KIAA0825: variants seen among roughly 807,000 people sequenced by gnomAD.
KIAA0825 encodes uncharacterized protein KIAA0825.
Under a neutral mutation model 147.6 loss-of-function variants are expected in KIAA0825, and 119 were observed. That is an observed-to-expected ratio of 0.81 (90% confidence interval 0.69 to 0.94). KIAA0825 has a LOEUF of 0.94. Among genes scored for constraint, KIAA0825 ranks in the 40% least tolerant of loss-of-function variants. KIAA0825 has a pLI of 0.00. For missense variants in KIAA0825, 1,381 were observed against 1,472.7 expected, an observed-to-expected ratio of 0.94 and a Z score of 1.02; for synonymous variants, 470 against 518.1, an observed-to-expected ratio of 0.91 and a Z score of 1.26.
At chr5:94,571,803 T>G (rs1460187181) in intron 2 of KIAA0825, among the ~76,000 whole-genome samples, 1 of 152,238 alleles carries the variant, frequency 6.6e-6, no homozygotes, top group African/African-American at 2.4e-5. Flanking sequence ...GTCTGATAAA[T>G]GTACACTGAT....
chr5:94,296,259 C>G (rs1393119300), intron 20 of KIAA0825, among the ~76,000 whole-genome samples: 2 of 152,148 alleles, frequency 1.3e-5, no homozygotes, highest in Admixed American at 6.5e-5. Context: ...CCTCCCACCA[C>G]CAAGCTCGAG....
intron 2 of KIAA0825, among the ~76,000 whole-genome samples, chr5:94,580,277 C>A (rs1781843008): frequency 1.3e-5 from 2 of 152,116 alleles, no homozygotes. Context: ...TGGTGGCTAT[C>A]TTTAAGAGTC....
chr5:94,430,568 A>C lies in KIAA0825; in HGVS notation c.2497+9414T>G, dbSNP rs939720172. On this transcript the variant is annotated intron_variant, in intron 14 of 20. Coordinates refer to ENST00000682413, the MANE Select transcript of KIAA0825 (RefSeq NM_001145678.3). ...TTCTCATTTGCAAAATGGTCCTAATAATCCCGGGTCATAAATGAAATAATA... is the reference window on the plus strand; with the variant it reads ...TTCTCATTTGCAAAATGGTCCTAATCATCCCGGGTCATAAATGAAATAATA... 7.2e-5 allele frequency among the ~76,000 whole-genome samples: 11 copies of C among 152,186 alleles called. 1 individual carries two copies. Among genetic ancestry groups the C allele is most frequent in the African/African-American group, 2.7e-4 (11 of 41,452 alleles).
At chr5:94,267,518 A>C (rs932333119) in intron 20 of KIAA0825, among the ~76,000 whole-genome samples, 2 of 152,142 alleles carry the variant, frequency 1.3e-5, no homozygotes, top group Non-Finnish European at 2.9e-5. Flanking sequence ...CCAGATTAAG[A>C]AAGACCCACT....
At chr5:94,607,185 A>G (rs1054580754) in intron 1 of KIAA0825, among the ~76,000 whole-genome samples, 1 of 152,274 alleles carries the variant, frequency 6.6e-6, no homozygotes, top group East Asian at 1.9e-4. Context: ...ACGAGATCCC[A>G]AAGTATAATC....
intron 5 of KIAA0825, among the ~76,000 whole-genome samples, chr5:94,504,389 G>A (rs2151131555): frequency 2.0e-5 from 3 of 152,288 alleles, no homozygotes; most frequent in Middle Eastern, 3.4e-3. Context: ...AGTGGGCCCA[G>A]ATGCCCAGTT....
At chr5:94,168,749 A>G (rs1301496639) in intron 20 of KIAA0825, among the ~76,000 whole-genome samples, 2 of 152,188 alleles carry the variant, frequency 1.3e-5, no homozygotes, top group East Asian at 1.9e-4. Flanking sequence ...CAGGACTACT[A>G]TATACTGCCA....
chr5:94,412,344 A>G (rs1169114061), intron 15 of KIAA0825, among the ~76,000 whole-genome samples: 1 of 152,220 alleles, frequency 6.6e-6, no homozygotes, highest in Non-Finnish European at 1.5e-5. Flanking sequence ...AAATTTTCAC[A>G]CATCATTGGC....
intron 1 of KIAA0825, among the ~76,000 whole-genome samples, chr5:94,588,389 A>T (rs1034950166): frequency 6.6e-6 from 1 of 152,240 alleles, no homozygotes; most frequent in Non-Finnish European, 1.5e-5. Context: ...ATATGAACAG[A>T]CACTTTTCAA....
chr5:94,551,719 C>T (rs1775575063), intron 2 of KIAA0825, among the ~76,000 whole-genome samples: 1 of 151,946 alleles, frequency 6.6e-6, no homozygotes, highest in Admixed American at 6.6e-5. Context: ...GGGAGTCCTA[C>T]ATCTGAATGT....
rs1562463395 is a variant in KIAA0825 at position 94,403,706 on chromosome 5, A to G, written c.2750T>C (p.Ile917Thr). 5.2e-6 allele frequency: 8 copies of G among 1,551,562 alleles called. No homozygotes were observed. The highest frequency in any genetic ancestry group is 7.0e-6 in the Non-Finnish European group (8 of 1,146,904). ...TCTCCTAGAACTCATTACAGATACT[A>G]TCTGCTGTACAGTGTCCTTGATGGC... ...TDAIKDTVQQ[I>T]VSVMSSRRNC... The change falls in exon 16 of 21, where the codon ATA becomes ACA. Residue 917 changes from isoleucine to threonine, a missense_variant. Ile to Thr is a moderately conservative substitution (Grantham distance 89). Coordinates refer to ENST00000682413, the MANE Select transcript of KIAA0825 (RefSeq NM_001145678.3).
At chr5:94,316,563 C>T (rs1779681853) in intron 20 of KIAA0825, among the ~76,000 whole-genome samples, 2 of 151,544 alleles carry the variant, frequency 1.3e-5, no homozygotes, top group Admixed American at 6.6e-5. Context: ...GCTGTGGCCT[C>T]CTAAAGCTCT....
chr5:94,234,167 C>G (rs2150090949), intron 20 of KIAA0825, among the ~76,000 whole-genome samples: 1 of 151,940 alleles, frequency 6.6e-6, no homozygotes, highest in South Asian at 2.1e-4. Context: ...GAGATCGAGA[C>G]CATCCTGGCT....
chr5:94,264,062 T>C (rs895750872), intron 20 of KIAA0825, among the ~76,000 whole-genome samples: 1 of 152,170 alleles, frequency 6.6e-6, no homozygotes, highest in Non-Finnish European at 1.5e-5. Flanking sequence ...GCCAGTGCAA[T>C]GTCCCCAACC....
intron 1 of KIAA0825, among the ~76,000 whole-genome samples, chr5:94,589,725 T>C (rs1783999101): frequency 6.6e-6 from 1 of 152,134 alleles, no homozygotes; most frequent in South Asian, 2.1e-4. Context: ...GGTAGGTTGA[T>C]GTGTTCATCC....
chr5:94,195,469 CTG>C (rs1376749052), intron 20 of KIAA0825, among the ~76,000 whole-genome samples: 1 of 152,116 alleles, frequency 6.6e-6, no homozygotes, highest in African/African-American at 2.4e-5. Flanking sequence ...GACTTTTTGT[CTG>C]TGTGTGTGCA....
At chr5:94,311,280 T>C (rs1412635949) in intron 20 of KIAA0825, among the ~76,000 whole-genome samples, 1 of 151,234 alleles carries the variant, frequency 6.6e-6, no homozygotes, top group Non-Finnish European at 1.5e-5. Flanking sequence ...TTGAAGCTTA[T>C]GGTATTGCTT....
chr5:94,495,860 T>C (rs990906873), intron 5 of KIAA0825, among the ~76,000 whole-genome samples: 1 of 152,198 alleles, frequency 6.6e-6, no homozygotes, highest in African/African-American at 2.4e-5. Context: ...CAATAGAAAA[T>C]ACATGTGAAA....
chr5:94,400,875 C>G (rs1049716887), intron 16 of KIAA0825, among the ~76,000 whole-genome samples: 1 of 151,928 alleles, frequency 6.6e-6, no homozygotes, highest in Admixed American at 6.6e-5. Flanking sequence ...TGAAGAAATG[C>G]ATTTTAGTTT....
Sources: gnomAD v4.1 joint callset for allele counts (sites outside exome capture counted in the v4.1 genomes callset) on GRCh38, gnomAD v4.1.1 for gene constraint, MANE v1.5 for transcripts, NCBI Gene and HGNC (gene_info 2026-07-23, HGNC 2026-07-21) for gene names.